The following PCDHA13 variants were observed in gnomAD, a reference collection of about 807,000 sequenced individuals.
PCDHA13 encodes protocadherin alpha 13.
In PCDHA13, 54 loss-of-function variants were observed where a neutral mutation model predicts 64.8. That is an observed-to-expected ratio of 0.83 (90% CI 0.67 to 1.04). PCDHA13 has a LOEUF of 1.04. PCDHA13 is among the 50% of genes least tolerant of loss of function. The probability of loss-of-function intolerance (pLI) is 0.00; values close to 1 mark genes in which losing one functional copy is unlikely to be tolerated. For missense variants in PCDHA13, 1,248 were observed against 1,254.3 expected, an observed-to-expected ratio of 0.99 and a Z score of 0.08; for synonymous variants, 587 against 564.4, an observed-to-expected ratio of 1.04 and a Z score of -0.57.
At chr5:140,918,324 A>G (rs782356672) in intron 1 of PCDHA13, among the ~76,000 whole-genome samples, 1 of 152,058 alleles carries the variant, frequency 6.6e-6, no homozygotes, top group Non-Finnish European at 1.5e-5. Flanking sequence ...ATAAAATTAT[A>G]TTGTCTGCTA....
intron 1 of PCDHA13, chr5:140,968,964 G>A (rs782792392): frequency 7.4e-6 from 12 of 1,614,136 alleles, no homozygotes; most frequent in East Asian, 4.5e-5. Context: ...AAGTGCTACC[G>A]CTACACTGCG....
chr5:140,926,787 A>G, intron 1 of PCDHA13: 2 of 1,420,842 alleles, frequency 1.4e-6, no homozygotes, highest in Non-Finnish European at 1.8e-6. Context: ...GACGGCCGGC[A>G]GGAGCGTGCT....
At chr5:140,944,291 G>A (rs155813) in intron 1 of PCDHA13, among the ~76,000 whole-genome samples, 48,239 of 151,966 alleles carry the variant, frequency 0.32, 8,008 homozygotes, top group East Asian at 0.53. Flanking sequence ...GGGCTCAAGC[G>A]ATCCTCCTAC....
At chr5:140,891,078 T>G (rs1554184657) in intron 1 of PCDHA13, among the ~76,000 whole-genome samples, 1 of 152,198 alleles carries the variant, frequency 6.6e-6, no homozygotes, top group Admixed American at 6.6e-5. Flanking sequence ...CAGTGTCTAC[T>G]GGTTTCCATT....
At chr5:140,921,301 C>T (rs1227923324) in intron 1 of PCDHA13, among the ~76,000 whole-genome samples, 1 of 151,954 alleles carries the variant, frequency 6.6e-6, no homozygotes. Flanking sequence ...TTGCTGAATG[C>T]CATTGTATTA....
rs1432987823 is a variant in PCDHA13, at chr5:140,905,869, AAGGCCCAACAAT to A, written c.2394+21213_2394+21224del. ...AAGGAGTATTAACTCACACAATCAC[AAGGCCCAACAAT>A]AGGCCATCTGCAAGCTGAGGAGCAA... On this transcript the variant is annotated intron_variant, in intron 1 of 3. Coordinates refer to ENST00000289272, the MANE Select transcript of PCDHA13 (RefSeq NM_018904.3). 1.1e-4 allele frequency among the ~76,000 whole-genome samples: 17 copies of A among 152,326 alleles called. No individual in the cohort carries two copies. In the South Asian group the frequency reaches 3.5e-3, roughly 32 times the overall value.
intron 1 of PCDHA13, chr5:140,929,189 A>C (rs782622519): frequency 3.1e-6 from 5 of 1,614,180 alleles, no homozygotes; most frequent in Non-Finnish European, 3.4e-6. Context: ...GGTTCTGATA[A>C]TAACAGTTTG....
chr5:140,997,814 T>C (rs2097786801), intron 3 of PCDHA13, among the ~76,000 whole-genome samples: 1 of 152,212 alleles, frequency 6.6e-6, no homozygotes, highest in Admixed American at 6.5e-5. Context: ...GCTGTTGGTA[T>C]CTATGTTTTC....
intron 1 of PCDHA13, among the ~76,000 whole-genome samples, chr5:140,885,818 G>C (rs2060726718): frequency 6.6e-6 from 1 of 151,914 alleles, no homozygotes; most frequent in African/African-American, 2.4e-5. Flanking sequence ...ATTTGTATTT[G>C]ATCTTCTTTG....
rs894945353 is a variant in PCDHA13 at position 140,936,140 on chromosome 5, G to A, written c.2395-42809G>A. ...ACTCCTGACCTTAAGTGATCTGCCC[G>A]CCTTGGCCTCCTAAAGTGCTGGGAT... is the stretch of plus-strand genomic sequence containing the variant. On this transcript the variant is annotated intron_variant, in intron 1 of 3. Coordinates refer to ENST00000289272, the MANE Select transcript of PCDHA13 (RefSeq NM_018904.3). 7.2e-5 allele frequency among the ~76,000 whole-genome samples: 11 copies of A among 152,050 alleles called. 1 individual carries two copies. The highest frequency in any genetic ancestry group is 6.6e-4 in the Admixed American group (10 of 15,256).
intron 1 of PCDHA13, among the ~76,000 whole-genome samples, chr5:140,899,285 A>T (rs2067252506): frequency 6.6e-6 from 1 of 152,132 alleles, no homozygotes; most frequent in African/African-American, 2.4e-5. Context: ...CAAAGGGAAT[A>T]CTTCCAGTTT....
chr5:140,946,387 T>C (rs1168775484), intron 1 of PCDHA13, among the ~76,000 whole-genome samples: 3 of 151,786 alleles, frequency 2.0e-5, no homozygotes, highest in African/African-American at 7.3e-5. Context: ...TTGGTAGGAA[T>C]GTAAATTAGT....
intron 1 of PCDHA13, chr5:140,928,156 T>G (rs1554205560): frequency 6.2e-7 from 1 of 1,614,188 alleles, no homozygotes; most frequent in East Asian, 2.2e-5. Context: ...AGATAGTGGC[T>G]CACCCCCACT....
At chr5:140,952,513 A>T (rs533436826) in intron 1 of PCDHA13, among the ~76,000 whole-genome samples, 7 of 152,028 alleles carry the variant, frequency 4.6e-5, no homozygotes, top group Non-Finnish European at 8.8e-5. Context: ...CCTCATCTCC[A>T]TCTGAGACCT....
chr5:140,956,408 C>T (rs1192859348), intron 1 of PCDHA13, among the ~76,000 whole-genome samples: 1 of 152,122 alleles, frequency 6.6e-6, no homozygotes, highest in Non-Finnish European at 1.5e-5. Context: ...TTGAGATAAT[C>T]ATGTGGGTTT....
In PCDHA13 at chr5:140,882,751, T is replaced by C; in HGVS notation, c.483T>C (p.Asp161=). ...CACTAGATGGCGCATCCGATGCAGATATTGGAGTAAACTCGGCATTGACCT... is the reference window on the plus strand; with the variant it reads ...CACTAGATGGCGCATCCGATGCAGACATTGGAGTAAACTCGGCATTGACCT... ...RFPLDGASDA[D]IGVNSALTYR... The change falls in exon 1 of 4, where the codon GAT becomes GAC. Residue 161 remains aspartate, a synonymous_variant. Transcript: ENST00000289272. 6.2e-7 allele frequency: 1 copy of C among 1,614,242 alleles called. No individual in the cohort carries two copies. The highest frequency in any genetic ancestry group is 8.5e-7 in the Non-Finnish European group (1 of 1,180,052).
rs1362509837 is a variant in PCDHA13, at chr5:140,884,388, T to A, written c.2120T>A (p.Val707Glu). The change falls in exon 1 of 4, where the codon GTG (valine) becomes GAG (glutamate). Residue 707 changes from valine to glutamate, a missense_variant. Val to Glu is a moderately radical substitution (Grantham distance 121). Transcript: ENST00000289272. ...TACTTGATCATTGCCATCTGCGCGG[T>A]GTCCAGCCTGTTGGTGCTCACGTTG... ...NVYLIIAICA[V>E]SSLLVLTLLL... 3 of 1,613,960 alleles carry A rather than the reference T, an allele frequency of 1.9e-6. No individual in the cohort carries two copies. In the Admixed American group the frequency reaches 5.0e-5, roughly 27 times the overall value.
chr5:140,912,889 G>T (rs782116758), intron 1 of PCDHA13, among the ~76,000 whole-genome samples: 8 of 152,140 alleles, frequency 5.3e-5, no homozygotes, highest in Non-Finnish European at 1.2e-4. Context: ...TCATTCTGTT[G>T]ATATGATGTA....
chr5:140,975,601 GA>G (rs781785883), intron 1 of PCDHA13, among the ~76,000 whole-genome samples: 1 of 152,192 alleles, frequency 6.6e-6, no homozygotes, highest in Non-Finnish European at 1.5e-5. Flanking sequence ...GCAATTTGTT[GA>G]TGTCTTCCAC....
Sources: allele counts gnomAD v4.1 joint callset (sites outside exome capture counted in the v4.1 genomes callset), GRCh38; gene constraint gnomAD v4.1.1; transcripts MANE v1.5; gene names NCBI Gene and HGNC (gene_info 2026-07-23, HGNC 2026-07-21).